The following SLC26A8 variants were observed in gnomAD, a reference collection of about 807,000 sequenced individuals.
The protein encoded by SLC26A8 is testis anion transporter 1.
SLC26A8 carries 70 observed loss-of-function variants against 105.0 expected under a neutral mutation model. That is an observed-to-expected ratio of 0.67 (90% CI 0.55 to 0.81). The LOEUF is 0.81. Ranked by LOEUF, SLC26A8 falls within the 40% of genes least tolerant of loss-of-function variation. The pLI is 0.00. For missense variants in SLC26A8, 998 were observed against 1,181.8 expected, an observed-to-expected ratio of 0.84 and a Z score of 2.28; for synonymous variants, 415 against 438.3, an observed-to-expected ratio of 0.95 and a Z score of 0.66.
intron 10 of SLC26A8, among the ~76,000 whole-genome samples, chr6:35,971,840 A>C (rs1772810826): frequency 6.6e-6 from 1 of 152,208 alleles, no homozygotes; most frequent in South Asian, 2.1e-4. Context: ...GAGCCTGGGC[A>C]AGGCAGGTCC....
At chr6:36,012,132 T>C (rs1761876403) in intron 3 of SLC26A8, 101 bp downstream of exon 3, 2 of 1,404,662 alleles carry the variant, frequency 1.4e-6, no homozygotes, top group East Asian at 4.8e-5. Flanking sequence ...AAATTCAATA[T>C]TTTTTTTCTA....
chr6:35,993,185 T>C (rs1436250364), intron 5 of SLC26A8, among the ~76,000 whole-genome samples: 6 of 45,722 alleles, frequency 1.3e-4, no homozygotes, highest in Non-Finnish European at 2.2e-4. Flanking sequence ...TTGATAGAGA[T>C]TGGAGGGGGG....
Position 35,997,773 on chromosome 6 carries a change from C to T in SLC26A8, c.592G>A (p.Val198Met), listed in dbSNP as rs1386343674. 2 of 1,614,150 alleles carry T rather than the reference C, an allele frequency of 1.2e-6. No homozygotes were observed. The highest frequency in any genetic ancestry group is 2.2e-5 in the South Asian group (2 of 91,084). Residue 198 changes from valine (V) to methionine (M), a missense_variant, in exon 5 of 20, where the codon GTG becomes ATG. Coordinates refer to ENST00000490799, the MANE Select transcript of SLC26A8 (RefSeq NM_052961.4). ...CCAGTCAGAAAAGTTGTGGTTGCCA[C>T]CACACTCAAGGATTTATTATAGCCC... ...LMGYNKSLSV[V>M]ATTTFLTGII... is the part of the protein sequence containing the mutation.
intron 11 of SLC26A8, among the ~76,000 whole-genome samples, chr6:35,963,841 A>C (rs932661398): frequency 2.0e-5 from 3 of 152,208 alleles, no homozygotes; most frequent in Non-Finnish European, 4.4e-5. Flanking sequence ...GCTTTTCTTC[A>C]TGTTGAATCA....
At chr6:35,985,692 CAAAAAAAAAAAA>C (rs58199602) in intron 7 of SLC26A8, among the ~76,000 whole-genome samples, 7 of 46,920 alleles carry the variant, frequency 1.5e-4, no homozygotes, top group Non-Finnish European at 2.8e-4. Context: ...GACTCCGTCT[CAAAAAAAAAAAA>C]AAAAAAAAAA....
At chr6:35,961,239 A>G in intron 12 of SLC26A8, 140 bp from the exon 13 acceptor site, 1 of 672,688 alleles carries the variant, frequency 1.5e-6, no homozygotes, top group Non-Finnish European at 2.5e-6. Flanking sequence ...AGCCACATGG[A>G]CTGGTGCCAT....
chr6:35,951,152 G>T lies in SLC26A8; in HGVS notation c.2472+11C>A. 6.2e-7 allele frequency: 1 copy of T among 1,610,620 alleles called. No individual in the cohort carries two copies. Among genetic ancestry groups the T allele is most frequent in the Non-Finnish European group, 8.5e-7 (1 of 1,178,668 alleles). On this transcript the variant is annotated intron_variant, in intron 19 of 19. Transcript: ENST00000490799. ...CTTCCCCCAACCTCATGCTTTGTCG[G>T]TTTGTCTGACCTTGTCTGTTTCTGA... is the stretch of plus-strand genomic sequence containing the variant.
chr6:35,981,596 G>A lies in SLC26A8; in HGVS notation c.1025+525C>T, dbSNP rs1773268209. On this transcript the variant is annotated intron_variant, in intron 8 of 19. Transcript: ENST00000490799. The surrounding 1 kb of genome is among the most constrained non-coding windows in gnomAD (Gnocchi z 4.0). ...GAGCCTGAGAATTCAAGGCTGCAGT[G>A]AGCCATGATTGCGCCACTGCACTCC... is the stretch of plus-strand genomic sequence containing the variant. Among the ~76,000 whole-genome samples the A allele has an allele frequency of 6.6e-6, 1 of 152,164 alleles. No homozygotes were observed. Among genetic ancestry groups the A allele is most frequent in the South Asian group, 2.1e-4 (1 of 4,832 alleles).
At chr6:35,958,495 A>G (rs1772180541) in intron 16 of SLC26A8, among the ~76,000 whole-genome samples, 2 of 150,714 alleles carry the variant, frequency 1.3e-5, no homozygotes, top group African/African-American at 2.4e-5. Context: ...CACTATTATG[A>G]AAGAAAAAAA....
At position 36,019,507 on chromosome 6, in the gene SLC26A8, T is replaced by A. The variant is rs751743498; in HGVS notation, c.188+13A>T. The A allele has an allele frequency of 6.2e-7, 1 of 1,609,460 alleles. No individual in the cohort carries two copies. The highest frequency in any genetic ancestry group is 8.5e-7 in the Non-Finnish European group (1 of 1,177,882). On this transcript the variant is annotated intron_variant, in intron 2 of 19. Coordinates refer to ENST00000490799, the MANE Select transcript of SLC26A8 (RefSeq NM_052961.4). ...CCCGGCTCGGCAGCAGGTGAAAGAT[T>A]GGACACACGCACCGGCACTGGACGT...
chr6:36,010,418 T>C (rs1761820622), intron 3 of SLC26A8, among the ~76,000 whole-genome samples: 1 of 151,990 alleles, frequency 6.6e-6, no homozygotes, highest in South Asian at 2.1e-4. Context: ...CAATGGTTGC[T>C]AGGGGTTATA....
chr6:35,977,631 G>A (rs1773091652), intron 8 of SLC26A8, among the ~76,000 whole-genome samples: 1 of 152,038 alleles, frequency 6.6e-6, no homozygotes, highest in African/African-American at 2.4e-5. Flanking sequence ...AACGATTCAC[G>A]AAAAATGGTT....
In SLC26A8 at chr6:35,988,188, G is replaced by A. The variant is rs147366749; in HGVS notation, c.942+3471C>T. Among the ~76,000 whole-genome samples the A allele has an allele frequency of 9.2e-3, 1,401 of 152,254 alleles. 15 individuals carry two copies. The highest frequency in any genetic ancestry group is 0.032 in the African/African-American group (1,325 of 41,556). On this transcript the variant is annotated intron_variant, in intron 7 of 19. Coordinates refer to ENST00000490799, the MANE Select transcript of SLC26A8 (RefSeq NM_052961.4). ...GGCCTCCCAAAGTGCTGAGATTATA[G>A]GCGTGAGCCACCGTGCCCGGCCCCG...
At chr6:35,990,900 G>GA (rs1010726851) in intron 7 of SLC26A8, among the ~76,000 whole-genome samples, 69 of 150,818 alleles carry the variant, frequency 4.6e-4, no homozygotes, top group Non-Finnish European at 7.4e-4. Flanking sequence ...TTCATAAGGG[G>GA]AAAAAAAAAC....
Position 35,967,695 on chromosome 6 carries a change from G to T in SLC26A8, c.1365+1182C>A, listed in dbSNP as rs185702562. On this transcript the variant is annotated intron_variant, in intron 11 of 19. Transcript: ENST00000490799. Reference sequence around the variant, plus strand: ...AACAAGGCCTTCTGGAAGCAGTGTAGGAAAACAGATGGCATGAATGCACAG... The same window carrying T: ...AACAAGGCCTTCTGGAAGCAGTGTATGAAAACAGATGGCATGAATGCACAG... Among the ~76,000 whole-genome samples, 38 of 152,264 alleles carry T rather than the reference G, an allele frequency of 2.5e-4. No individual in the cohort carries two copies. The East Asian group carries it at 7.3e-3, about 29-fold the overall frequency.
intron 16 of SLC26A8, among the ~76,000 whole-genome samples, chr6:35,957,678 G>C (rs944113310): frequency 2.0e-5 from 3 of 150,944 alleles, no homozygotes; most frequent in Non-Finnish European, 2.9e-5. Flanking sequence ...ACAGATTCTG[G>C]CTCACTGAAC....
At chr6:36,016,237 C>T (rs1761992521) in intron 2 of SLC26A8, among the ~76,000 whole-genome samples, 1 of 152,130 alleles carries the variant, frequency 6.6e-6, no homozygotes. Flanking sequence ...CAGTGATCCG[C>T]CCACCTCAGC....
chr6:36,004,528 T>A (rs541236064), intron 3 of SLC26A8, among the ~76,000 whole-genome samples: 9 of 152,316 alleles, frequency 5.9e-5, no homozygotes, highest in Non-Finnish European at 1.2e-4. Context: ...ATTCTTTGCA[T>A]AAAAATCATC....
chr6:35,981,484 T>C lies in SLC26A8; in HGVS notation c.1025+637A>G, dbSNP rs1361729012. 1.3e-5 allele frequency among the ~76,000 whole-genome samples: 2 copies of C among 151,924 alleles called. No homozygotes were observed. Among genetic ancestry groups the C allele is most frequent in the East Asian group, 3.9e-4 (2 of 5,172 alleles). On this transcript the variant is annotated intron_variant, in intron 8 of 19. Coordinates refer to ENST00000490799, the MANE Select transcript of SLC26A8 (RefSeq NM_052961.4). The surrounding 1 kb of genome is among the most constrained non-coding windows in gnomAD (Gnocchi z 4.0). ...AGCAAAATGCTGTCTCTACTAAAAATGCAAAAAATTAGCCAGGCGTGGCAG... is the reference window on the plus strand; with the variant it reads ...AGCAAAATGCTGTCTCTACTAAAAACGCAAAAAATTAGCCAGGCGTGGCAG...
Sources: allele counts gnomAD v4.1 joint callset (sites outside exome capture counted in the v4.1 genomes callset), GRCh38; gene constraint gnomAD v4.1.1; non-coding constraint Gnocchi (gnomAD v3.1); transcripts MANE v1.5; gene names NCBI Gene and HGNC (gene_info 2026-07-23, HGNC 2026-07-21).